The following IL13 variants were observed in gnomAD, a reference collection of about 807,000 sequenced individuals.
IL13 encodes interleukin-13.
Under a neutral mutation model 11.1 loss-of-function variants are expected in IL13, and 9 were observed. That is an observed-to-expected ratio of 0.81 (90% CI 0.49 to 1.42). The LOEUF (loss-of-function observed/expected upper bound fraction) is 1.42, where lower values mean the gene tolerates loss of function less well. IL13 is among the 40% of genes most tolerant of loss of function. The pLI, the probability that IL13 is intolerant of heterozygous loss-of-function variation, is 0.00. For synonymous variants in IL13, 75 were observed against 76.9 expected (o/e 0.97, Z 0.13); for missense variants, 181 against 182.5 (o/e 0.99, Z 0.05).
rs1224007759 is a variant in IL13, at chr5:132,660,402, A to T, written c.*120A>T. 1 of 1,448,878 alleles carries T rather than the reference A, an allele frequency of 6.9e-7. No individual in the cohort carries two copies. Among genetic ancestry groups the T allele is most frequent in the Non-Finnish European group, 9.1e-7 (1 of 1,095,182 alleles). 89.8% of individuals were successfully genotyped at this position (1,448,878 alleles called of 1,614,324 possible). A position where few individuals can be genotyped will look rare whatever the true frequency, so the allele number is the denominator to read the frequency against. Reference sequence around the variant, plus strand: ...CGGGAAGGAGGGTTAGGGAGGGGTAAAATTCCTTAGCTTAGACCTCAGCCT... The same window carrying T: ...CGGGAAGGAGGGTTAGGGAGGGGTATAATTCCTTAGCTTAGACCTCAGCCT... On this transcript the variant is annotated 3_prime_UTR_variant, in exon 4 of 4. Transcript: ENST00000304506.
In IL13 at chr5:132,660,538, G is replaced by A. The variant is rs190222211; in HGVS notation, c.*256G>A. On this transcript the variant is annotated 3_prime_UTR_variant, in exon 4 of 4. Transcript: ENST00000304506. Reference sequence around the variant, plus strand: ...AGCTCGGTGGACCCAGGGATGACATGTCCCTACACCCCTCCCCTGCCCTAG... The same window carrying A: ...AGCTCGGTGGACCCAGGGATGACATATCCCTACACCCCTCCCCTGCCCTAG... The A allele has an allele frequency of 5.2e-5, 24 of 464,550 alleles. No homozygotes were observed. The East Asian group carries it at 1.0e-3, about 20-fold the overall frequency. 28.8% of individuals were successfully genotyped at this position (464,550 alleles called of 1,614,324 possible). A position where few individuals can be genotyped will look rare whatever the true frequency, so the allele number is the denominator to read the frequency against.
Position 132,660,410 on chromosome 5 carries a change from T to C in IL13, c.*128T>C. 4 of 1,415,376 alleles carry C rather than the reference T, an allele frequency of 2.8e-6. No homozygotes were observed. Among genetic ancestry groups the C allele is most frequent in the Admixed American group, 4.6e-5 (2 of 43,376 alleles). 87.7% of individuals were successfully genotyped at this position (1,415,376 alleles called of 1,614,324 possible). On this transcript the variant is annotated 3_prime_UTR_variant, in exon 4 of 4. Transcript: ENST00000304506. ...AGGGTTAGGGAGGGGTAAAATTCCT[T>C]AGCTTAGACCTCAGCCTGTGCTGCC...
Position 132,658,355 on chromosome 5 carries a change from C to A in IL13, c.169C>A (p.Gln57Lys). The A allele has an allele frequency of 1.2e-6, 2 of 1,602,732 alleles. No homozygotes were observed. The highest frequency in any genetic ancestry group is 1.7e-6 in the Non-Finnish European group (2 of 1,171,320). Residue 57 changes from glutamine (Q) to lysine (K), a missense_variant, in exon 1 of 4, where the codon CAG becomes AAG. Gln to Lys is a moderately conservative substitution (Grantham distance 53, BLOSUM62 1). Transcript: ENST00000304506. ...GGAGCTGGTCAACATCACCCAGAAC[C>A]AGAAGGTGAGTGTCGGCTAGCCAGG... ...IEELVNITQN[Q>K]KAPLCNGSMV...
At position 132,658,309 on chromosome 5, in the gene IL13, A is replaced by C; in HGVS notation, c.123A>C (p.Thr41=). The change falls in exon 1 of 4, where the codon ACA becomes ACC. Residue 41 remains threonine (T), a synonymous_variant. Coordinates refer to ENST00000304506, the MANE Select transcript of IL13 (RefSeq NM_002188.3). The part of the protein sequence containing the change: ...FASPGPVPPS[T]ALRELIEELV... ...CCCCAGGCCCTGTGCCTCCCTCTACAGCCCTCAGGGAGCTCATTGAGGAGC... is the reference window on the plus strand; with the variant it reads ...CCCCAGGCCCTGTGCCTCCCTCTACCGCCCTCAGGGAGCTCATTGAGGAGC... 6.2e-7 allele frequency: 1 copy of C among 1,611,256 alleles called. No individual in the cohort carries two copies. Among genetic ancestry groups the C allele is most frequent in the Non-Finnish European group, 8.5e-7 (1 of 1,177,468 alleles).
chr5:132,660,274 T>C lies in IL13; in HGVS notation c.433T>C (p.Phe145Leu). 6.2e-7 allele frequency: 1 copy of C among 1,613,858 alleles called. No individual in the cohort carries two copies. Among genetic ancestry groups the C allele is most frequent in the Non-Finnish European group, 8.5e-7 (1 of 1,179,956 alleles). ...AAAGAAACTTTTTCGCGAGGGACAGTTCAACTGAAACTTCGAAAGCATCAT... is the reference window on the plus strand; with the variant it reads ...AAAGAAACTTTTTCGCGAGGGACAGCTCAACTGAAACTTCGAAAGCATCAT... Reference protein sequence around the residue: ...HLKKLFREGQFN With the variant: ...HLKKLFREGQLN Residue 145 changes from phenylalanine (F) to leucine (L), a missense_variant, in exon 4 of 4, where the codon TTC becomes CTC. Phe to Leu is a conservative substitution (Grantham distance 22, BLOSUM62 0). Coordinates refer to ENST00000304506, the MANE Select transcript of IL13 (RefSeq NM_002188.3).
Position 132,660,667 on chromosome 5 carries a change from ACTT to A in IL13, c.*392_*394del, listed in dbSNP as rs1752138808. The stretch of plus-strand genomic sequence containing the variant: ...CTGAGGCAGACAGCAGCTCAGGCAC[ACTT>A]CTTCTTGGTCTTATTTATTATTGTG... On this transcript the variant is annotated 3_prime_UTR_variant, in exon 4 of 4. Transcript: ENST00000304506. 1 of 199,624 alleles carries A rather than the reference ACTT, an allele frequency of 5.0e-6. No individual in the cohort carries two copies. Among genetic ancestry groups the A allele is most frequent in the South Asian group, 1.0e-4 (1 of 9,976 alleles). 12.4% of individuals were successfully genotyped at this position (199,624 alleles called of 1,614,324 possible).
chr5:132,656,916 A>G (rs2069739), upstream of IL13: 14,273 of 152,512 alleles, frequency 0.094, 1,738 homozygotes, highest in African/African-American at 0.28. Flanking sequence ...ATGCCTTGTG[A>G]GGAGGGTCAC....
Position 132,659,340 on chromosome 5 carries a change from G to A in IL13, c.175-78G>A. On this transcript the variant is annotated intron_variant, in intron 1 of 3. Transcript: ENST00000304506. This position sits in a 1 kb window ranked among gnomAD's most constrained non-coding sequence, Gnocchi z 4.1. ...GGGATGCTTGTGGGGCCTGTGCTGG[G>A]GCAGACCTGGCCTGGGCTGCCAGGG... is the stretch of plus-strand genomic sequence containing the variant. The A allele has an allele frequency of 9.7e-7, 1 of 1,026,386 alleles. No individual in the cohort carries two copies. The highest frequency in any genetic ancestry group is 1.5e-6 in the Non-Finnish European group (1 of 665,646). The allele number at this position is 1,026,386 out of a possible 1,614,324, so 63.6% of individuals were successfully genotyped here.
chr5:132,660,120 C>T lies in IL13; in HGVS notation c.334-55C>T, dbSNP rs886759323. On this transcript the variant is annotated intron_variant, in intron 3 of 3. Transcript: ENST00000304506. The stretch of plus-strand genomic sequence containing the variant: ...GTCCCTGGAAAGCCCCTGGTTTGTG[C>T]GAGTCGTCCCGGCCTCTGGCGTTCT... 17 of 1,553,312 alleles carry T rather than the reference C, an allele frequency of 1.1e-5. No homozygotes were observed. In the African/African-American group the frequency reaches 1.2e-4, roughly 11 times the overall value.
Position 132,660,172 on chromosome 5 carries a change from C to T in IL13, c.334-3C>T, listed in dbSNP as rs1752122528. 5 of 1,613,870 alleles carry T rather than the reference C, an allele frequency of 3.1e-6. No individual in the cohort carries two copies. Among genetic ancestry groups the T allele is most frequent in the South Asian group, 2.2e-5 (2 of 91,074 alleles). The stretch of plus-strand genomic sequence containing the variant: ...CTCATGTGCTGACCTCTTTGTCCTG[C>T]AGCAGTTTTCCAGCTTGCATGTCCG... On this transcript the variant is annotated splice_region_variant and splice_polypyrimidine_tract_variant and intron_variant, in intron 3 of 3. Transcript: ENST00000304506.
In IL13 at chr5:132,659,929, C is replaced by T; in HGVS notation, c.333+101C>T. 1 of 1,515,400 alleles carries T rather than the reference C, an allele frequency of 6.6e-7. No individual in the cohort carries two copies. The highest frequency in any genetic ancestry group is 8.8e-7 in the Non-Finnish European group (1 of 1,130,254). The allele number at this position is 1,515,400 out of a possible 1,614,324, so 93.9% of individuals were successfully genotyped here. Reference sequence around the variant, plus strand: ...GCTGAATATCCATGGTGTGTGTCCACCCAGGGGTGGGGCCATTGTGGCAGC... The same window carrying T: ...GCTGAATATCCATGGTGTGTGTCCATCCAGGGGTGGGGCCATTGTGGCAGC... On this transcript the variant is annotated intron_variant, in intron 3 of 3. Transcript: ENST00000304506. This position sits in a 1 kb window ranked among gnomAD's most constrained non-coding sequence, Gnocchi z 4.1.
chr5:132,660,158 A>G lies in IL13; in HGVS notation c.334-17A>G, dbSNP rs1015724931. On this transcript the variant is annotated splice_polypyrimidine_tract_variant and intron_variant, in intron 3 of 3. Coordinates refer to ENST00000304506, the MANE Select transcript of IL13 (RefSeq NM_002188.3). ...CCTCTGGCGTTCTACTCATGTGCTG[A>G]CCTCTTTGTCCTGCAGCAGTTTTCC... 1 of 1,612,496 alleles carries G rather than the reference A, an allele frequency of 6.2e-7. No homozygotes were observed. Among genetic ancestry groups the G allele is most frequent in the South Asian group, 1.1e-5 (1 of 90,998 alleles).
intron 1 of IL13, chr5:132,658,617 G>A: frequency 2.4e-6 from 1 of 417,414 alleles, no homozygotes; most frequent in Admixed American, 4.0e-5. Flanking sequence ...GTCTGCCACT[G>A]CCAGCTCCTA....
Position 132,660,413 on chromosome 5 carries a change from C to A in IL13, c.*131C>A. Reference sequence around the variant, plus strand: ...GTTAGGGAGGGGTAAAATTCCTTAGCTTAGACCTCAGCCTGTGCTGCCCGT... The same window carrying A: ...GTTAGGGAGGGGTAAAATTCCTTAGATTAGACCTCAGCCTGTGCTGCCCGT... On this transcript the variant is annotated 3_prime_UTR_variant, in exon 4 of 4. Transcript: ENST00000304506. 7.1e-7 allele frequency: 1 copy of A among 1,403,560 alleles called. No individual in the cohort carries two copies. The highest frequency in any genetic ancestry group is 9.4e-7 in the Non-Finnish European group (1 of 1,061,280). 86.9% of individuals were successfully genotyped at this position (1,403,560 alleles called of 1,614,324 possible). A position where few individuals can be genotyped will look rare whatever the true frequency, so the allele number is the denominator to read the frequency against.
At position 132,658,247 on chromosome 5, in the gene IL13, A is replaced by C; in HGVS notation, c.61A>C (p.Thr21Pro). Reference sequence around the variant, plus strand: ...GGGCCTCATGGCGCTTTTGTTGACCACGGTCATTGCTCTCACTTGCCTTGG... The same window carrying C: ...GGGCCTCATGGCGCTTTTGTTGACCCCGGTCATTGCTCTCACTTGCCTTGG... ...ALGLMALLLT[T>P]VIALTCLGGF... is the part of the protein sequence containing the mutation. The change falls in exon 1 of 4, where the codon ACG becomes CCG. Residue 21 changes from threonine (T) to proline (P), a missense_variant. Thr to Pro is a conservative substitution (Grantham distance 38). Transcript: ENST00000304506. The C allele has an allele frequency of 6.2e-7, 1 of 1,610,836 alleles. No homozygotes were observed. Among genetic ancestry groups the C allele is most frequent in the East Asian group, 2.2e-5 (1 of 44,866 alleles).
Position 132,659,618 on chromosome 5 carries a change from C to T in IL13, c.229-106C>T, listed in dbSNP as rs924151885. 6.3e-7 allele frequency: 1 copy of T among 1,595,568 alleles called. No individual in the cohort carries two copies. The highest frequency in any genetic ancestry group is 8.6e-7 in the Non-Finnish European group (1 of 1,167,442). On this transcript the variant is annotated intron_variant, in intron 2 of 3. Transcript: ENST00000304506. The surrounding 1 kb of genome is among the most constrained non-coding windows in gnomAD (Gnocchi z 4.1). The stretch of plus-strand genomic sequence containing the variant: ...CCATAATCTGGCCCCTTCCCGCCCA[C>T]CACCCAGACTCACCTGCGCCAGGCA...
rs1412970097 is a variant in IL13, at chr5:132,658,195, G to A, written c.9G>A (p.Pro3=). Residue 3 remains proline (P), a synonymous_variant, in exon 1 of 4, where the codon CCG becomes CCA. Transcript: ENST00000304506. The stretch of plus-strand genomic sequence containing the variant: ...CACAAGCCACCCAGCCTATGCATCC[G>A]CTCCTCAATCCTCTCCTGTTGGCAC... MH[P]LLNPLLLALG... The A allele has an allele frequency of 1.9e-6, 3 of 1,601,250 alleles. No homozygotes were observed.
upstream of IL13, chr5:132,658,040 A>G (rs894926573): frequency 7.1e-6 from 4 of 564,836 alleles, no homozygotes; most frequent in Non-Finnish European, 1.3e-5. Context: ...TTTATGCGAC[A>G]CTGGATTTTC....
At chr5:132,658,458 C>T in intron 1 of IL13, 98 bp downstream of exon 1, 1 of 686,670 alleles carries the variant, frequency 1.5e-6, no homozygotes, top group Non-Finnish European at 2.4e-6. Flanking sequence ...CCTAAGATGC[C>T]TGTAGGTCAG....
Sources: gnomAD v4.1 joint callset for allele counts on GRCh38, gnomAD v4.1.1 for gene constraint, Gnocchi (gnomAD v3.1) non-coding constraint, MANE v1.5 for transcripts, NCBI Gene and HGNC (gene_info 2026-07-23, HGNC 2026-07-21) for gene names.